GRID2: variants seen among roughly 807,000 people sequenced by gnomAD.
The protein encoded by GRID2 is glutamate receptor ionotropic, delta-2.
A neutral mutation model predicts 114.8 loss-of-function variants in GRID2; 33 were observed. The observed-to-expected ratio is 0.29, with a 90% CI of 0.22 to 0.38. GRID2 has a LOEUF of 0.38. Ranked by LOEUF, GRID2 falls within the 10% of genes least tolerant of loss-of-function variation. GRID2 has a pLI of 1.00. For missense variants in GRID2, 1,184 were observed against 1,257.7 expected (o/e 0.94, Z 0.89); for synonymous variants, 505 against 449.9 (o/e 1.12, Z -1.55).
At chr4:93,293,218 T>C (rs1034094152) in intron 8 of GRID2, among the ~76,000 whole-genome samples, 1 of 152,158 alleles carries the variant, frequency 6.6e-6, no homozygotes, top group African/African-American at 2.4e-5. Flanking sequence ...CAATTAACAC[T>C]GGAGTCACTA....
intron 14 of GRID2, among the ~76,000 whole-genome samples, chr4:93,723,690 T>C (rs530464034): frequency 2.2e-4 from 33 of 152,346 alleles, no homozygotes; most frequent in African/African-American, 7.7e-4. Flanking sequence ...TTTGAGTAAA[T>C]TCAGTAGTTT....
chr4:92,983,164 A>G (rs1754321543), intron 2 of GRID2, among the ~76,000 whole-genome samples: 1 of 152,146 alleles, frequency 6.6e-6, no homozygotes, highest in Non-Finnish European at 1.5e-5. Flanking sequence ...CACAAAATAC[A>G]ACAATATTGA....
intron 2 of GRID2, among the ~76,000 whole-genome samples, chr4:92,761,721 T>G (rs1306178031): frequency 6.6e-6 from 1 of 151,944 alleles, no homozygotes; most frequent in Non-Finnish European, 1.5e-5. Flanking sequence ...CAACCTCCAC[T>G]CCATCCACCT....
chr4:92,395,313 CAATG>C (rs756838934), intron 1 of GRID2, among the ~76,000 whole-genome samples: 1 of 151,238 alleles, frequency 6.6e-6, no homozygotes, highest in Non-Finnish European at 1.5e-5. Context: ...GGTGGGAAGA[CAATG>C]AATAAGTAAT....
intron 8 of GRID2, among the ~76,000 whole-genome samples, chr4:93,331,321 C>T (rs919406509): frequency 8.6e-5 from 13 of 151,660 alleles, no homozygotes; most frequent in African/African-American, 2.2e-4. Context: ...ATTCTTCTCC[C>T]GTATATAGCC....
At chr4:93,006,252 A>G (rs1038019192) in intron 2 of GRID2, among the ~76,000 whole-genome samples, 2 of 152,104 alleles carry the variant, frequency 1.3e-5, no homozygotes, top group Admixed American at 6.6e-5. Flanking sequence ...CACCTGTAAC[A>G]ATAGTTCTGG....
chr4:93,443,698 A>C (rs529089829), intron 10 of GRID2, among the ~76,000 whole-genome samples: 1 of 152,076 alleles, frequency 6.6e-6, no homozygotes, highest in African/African-American at 2.4e-5. Context: ...TGAAAATATT[A>C]GAATCCAAGC....
chr4:92,760,034 GT>G (rs1214789049), intron 2 of GRID2, among the ~76,000 whole-genome samples: 1 of 151,204 alleles, frequency 6.6e-6, no homozygotes, highest in Non-Finnish European at 1.5e-5. Flanking sequence ...GAGGTCAGGA[GT>G]TCGAGACCAG....
intron 1 of GRID2, among the ~76,000 whole-genome samples, chr4:92,336,733 A>T (rs966924747): frequency 1.3e-5 from 2 of 152,126 alleles, no homozygotes; most frequent in Admixed American, 6.6e-5. Flanking sequence ...AGATTTTTAG[A>T]TCTCTACCTC....
In GRID2 at chr4:93,626,577, A is replaced by G. The variant is rs142557097; in HGVS notation, c.2360+142A>G. 1.5e-4 allele frequency: 84 copies of G among 557,434 alleles called. No individual in the cohort carries two copies. In the East Asian group the frequency reaches 2.0e-3, roughly 13 times the overall value. The allele number at this position is 557,434 out of a possible 1,614,324, so 34.5% of individuals were successfully genotyped here. A position where few individuals can be genotyped will look rare whatever the true frequency, so the allele number is the denominator to read the frequency against. On this transcript the variant is annotated intron_variant, in intron 14 of 15. Coordinates refer to ENST00000282020, the MANE Select transcript of GRID2 (RefSeq NM_001510.4). ...AACAACAACAACAAAAAAGATAGTTATAAGTAGTTGTTCAATAAGACACTC... is the reference window on the plus strand; with the variant it reads ...AACAACAACAACAAAAAAGATAGTTGTAAGTAGTTGTTCAATAAGACACTC...
rs138985810 is a variant in GRID2, at chr4:92,819,034, G to A, written c.244+228748G>A. Reference sequence around the variant, plus strand: ...GAATGCTGTGATAGGTTAGTAATGGGCACTGAATCAGAACTATTTATTTCT... The same window carrying A: ...GAATGCTGTGATAGGTTAGTAATGGACACTGAATCAGAACTATTTATTTCT... On this transcript the variant is annotated intron_variant, in intron 2 of 15. Coordinates refer to ENST00000282020, the MANE Select transcript of GRID2 (RefSeq NM_001510.4). 3.3e-3 allele frequency among the ~76,000 whole-genome samples: 499 copies of A among 152,072 alleles called. 8 individuals carry two copies. The East Asian group carries it at 0.043, about 13-fold the overall frequency.
intron 2 of GRID2, among the ~76,000 whole-genome samples, chr4:92,928,764 A>C (rs1051759087): frequency 1.3e-5 from 2 of 151,748 alleles, no homozygotes; most frequent in East Asian, 3.9e-4. Flanking sequence ...CATAGGTAAG[A>C]GATGTTTCCC....
At chr4:93,220,889 T>C (rs1744796212) in intron 6 of GRID2, among the ~76,000 whole-genome samples, 1 of 152,198 alleles carries the variant, frequency 6.6e-6, no homozygotes, top group Admixed American at 6.6e-5. Context: ...AATTTGTAAA[T>C]GGCATAAAGC....
chr4:93,055,689 T>TAA (rs1727162122), intron 2 of GRID2, among the ~76,000 whole-genome samples: 1 of 152,084 alleles, frequency 6.6e-6, no homozygotes, highest in Admixed American at 6.6e-5. Flanking sequence ...AATTCCAAAT[T>TAA]ATTTTATTGA....
chr4:92,812,002 A>G (rs1740684642), intron 2 of GRID2, among the ~76,000 whole-genome samples: 2 of 152,144 alleles, frequency 1.3e-5, no homozygotes, highest in African/African-American at 4.8e-5. Flanking sequence ...CATTTTGCAT[A>G]AGTAAACTCC....
intron 2 of GRID2, among the ~76,000 whole-genome samples, chr4:92,744,704 T>G (rs1249849723): frequency 2.0e-5 from 3 of 152,126 alleles, no homozygotes; most frequent in African/African-American, 7.2e-5. Context: ...TTTGAAAATC[T>G]ATTACCTGAG....
At chr4:93,263,238 ATTTAT>A (rs1554020518) in intron 8 of GRID2, among the ~76,000 whole-genome samples, 2 of 151,762 alleles carry the variant, frequency 1.3e-5, no homozygotes, top group Non-Finnish European at 1.5e-5. Context: ...TACTTTTTAG[ATTTAT>A]TTTGTTTTGA....
At chr4:92,625,057 G>T (rs1730454359) in intron 2 of GRID2, among the ~76,000 whole-genome samples, 1 of 151,426 alleles carries the variant, frequency 6.6e-6, no homozygotes, top group African/African-American at 2.4e-5. Flanking sequence ...ATCTTTATAT[G>T]CTAAAAAGCC....
intron 2 of GRID2, among the ~76,000 whole-genome samples, chr4:92,917,143 C>T (rs542924992): frequency 2.3e-4 from 35 of 152,234 alleles, no homozygotes; most frequent in East Asian, 9.6e-4. Context: ...TGTCTTTTGG[C>T]GGAATAAATG....
Sources: allele counts gnomAD v4.1 joint callset (sites outside exome capture counted in the v4.1 genomes callset), GRCh38; gene constraint gnomAD v4.1.1; transcripts MANE v1.5; gene names NCBI Gene and HGNC (gene_info 2026-07-23, HGNC 2026-07-21).